The following PLXNC1 variants were observed in gnomAD, a reference collection of about 807,000 sequenced individuals.
PLXNC1 encodes plexin C1, also known as plexin-C1.
In PLXNC1, 75 loss-of-function variants were observed where a neutral mutation model predicts 178.2. The observed-to-expected ratio is 0.42, with a 90% confidence interval of 0.35 to 0.51. The LOEUF (loss-of-function observed/expected upper bound fraction) is 0.51, where lower values mean the gene tolerates loss of function less well. PLXNC1 is among the 20% of genes least tolerant of loss of function. The pLI is 0.02. For missense variants in PLXNC1, 1,503 were observed against 1,984.4 expected (o/e 0.76, Z 4.61); for synonymous variants, 790 against 779.9 (o/e 1.01, Z -0.22).
At chr12:94,203,479 G>A (rs1565808079) in intron 4 of PLXNC1, among the ~76,000 whole-genome samples, 1 of 152,172 alleles carries the variant, frequency 6.6e-6, no homozygotes, top group African/African-American at 2.4e-5. Context: ...AAAATGCTGA[G>A]AAATTGAGTA....
In PLXNC1 at chr12:94,288,023, C is replaced by G. The variant is rs117657462; in HGVS notation, c.3879+5622C>G. ...CTTGAAAGCAGGCGAAATAACCACTCTAGAGACTGTGGCTCTGCGCAGGGC... is the reference window on the plus strand; with the variant it reads ...CTTGAAAGCAGGCGAAATAACCACTGTAGAGACTGTGGCTCTGCGCAGGGC... On this transcript the variant is annotated intron_variant, in intron 23 of 30. Transcript: ENST00000258526. Among the ~76,000 whole-genome samples the G allele has an allele frequency of 7.9e-4, 120 of 152,322 alleles. 1 individual carries two copies. The East Asian group carries it at 0.022, about 28-fold the overall frequency.
At chr12:94,184,874 G>T (rs978692484) in intron 3 of PLXNC1, among the ~76,000 whole-genome samples, 10 of 152,212 alleles carry the variant, frequency 6.6e-5, no homozygotes, top group African/African-American at 2.4e-4. Context: ...ATACTGTGAG[G>T]CTCAGCATAG....
chr12:94,224,076 A>G, intron 6 of PLXNC1, 152 bp from the exon 7 acceptor site: 1 of 644,136 alleles, frequency 1.6e-6, no homozygotes, highest in Admixed American at 2.3e-5. Context: ...TGGGGAAGGA[A>G]CCACATACTG....
intron 9 of PLXNC1, among the ~76,000 whole-genome samples, chr12:94,231,232 C>T (rs977910863): frequency 6.6e-6 from 1 of 151,982 alleles, no homozygotes; most frequent in South Asian, 2.1e-4. Context: ...CCTTTGAGGA[C>T]GAGAAGCATC....
intron 11 of PLXNC1, among the ~76,000 whole-genome samples, chr12:94,241,731 A>T (rs1300809536): frequency 6.6e-6 from 1 of 152,204 alleles, no homozygotes; most frequent in African/African-American, 2.4e-5. Context: ...TCCATTGTGT[A>T]TAGGTACCAC....
At chr12:94,178,835 G>T (rs552086754) in intron 2 of PLXNC1, among the ~76,000 whole-genome samples, 1 of 152,142 alleles carries the variant, frequency 6.6e-6, no homozygotes, top group Admixed American at 6.5e-5. Flanking sequence ...CTATAAAGTC[G>T]TTTTAAAATG....
intron 4 of PLXNC1, among the ~76,000 whole-genome samples, chr12:94,187,192 G>GAGAGAGAGAGAA (rs5800150): frequency 6.7e-6 from 1 of 148,586 alleles, no homozygotes. Context: ...GAGAGAGAGA[G>GAGAGAGAGAGAA]AAAAAAAAAC....
intron 11 of PLXNC1, among the ~76,000 whole-genome samples, chr12:94,241,991 AAG>A (rs1964401941): frequency 2.8e-5 from 3 of 106,036 alleles, no homozygotes; most frequent in African/African-American, 1.2e-4. Context: ...AAAAAAAAAG[AAG>A]AAGAAGAAGA....
intron 2 of PLXNC1, among the ~76,000 whole-genome samples, chr12:94,178,126 G>A (rs967867946): frequency 1.3e-5 from 2 of 152,140 alleles, no homozygotes; most frequent in Admixed American, 6.5e-5. Context: ...CTATTATCTA[G>A]AGCAGTCTCC....
chr12:94,204,892 G>C (rs1963253192), intron 4 of PLXNC1, among the ~76,000 whole-genome samples: 1 of 152,176 alleles, frequency 6.6e-6, no homozygotes. Flanking sequence ...TATTATATCA[G>C]TGTAGAATCT....
rs1336723207 is a variant in PLXNC1, at chr12:94,251,512, A to G, written c.2865A>G (p.Leu955=). 6 of 1,606,596 alleles carry G rather than the reference A, an allele frequency of 3.7e-6. No homozygotes were observed. The highest frequency in any genetic ancestry group is 4.3e-6 in the Non-Finnish European group (5 of 1,173,108). The change falls in exon 15 of 31, where the codon CTA becomes CTG. Residue 955 remains leucine (L), a synonymous_variant. Coordinates refer to ENST00000258526, the MANE Select transcript of PLXNC1 (RefSeq NM_005761.3). ...WYFLIVLPVL[L]VIVIFAAVGV... ...TTCTGATTGTGCTCCCTGTCTTGCT[A>G]GTGATTGTCATTTTTGGTAAGTGCC...
intron 1 of PLXNC1, among the ~76,000 whole-genome samples, chr12:94,164,545 C>A (rs1961518270): frequency 6.6e-6 from 1 of 152,182 alleles, no homozygotes; most frequent in Non-Finnish European, 1.5e-5. Context: ...GCATGACTGG[C>A]ACCCCCTGCA....
Position 94,163,784 on chromosome 12 carries a change from T to A in PLXNC1, c.1063-5369T>A, listed in dbSNP as rs553920395. On this transcript the variant is annotated intron_variant, in intron 1 of 30. Transcript: ENST00000258526. ...TGAGTCCCCAGTGTAAATTCTTCCT[T>A]CAGACGATCAGAGAGCTGCCATAAC... Among the ~76,000 whole-genome samples, 3 of 152,216 alleles carry A rather than the reference T, an allele frequency of 2.0e-5. No individual in the cohort carries two copies. In the South Asian group the frequency reaches 6.2e-4, roughly 32 times the overall value.
At chr12:94,151,834 A>G (rs573716903) in intron 1 of PLXNC1, among the ~76,000 whole-genome samples, 16 of 152,288 alleles carry the variant, frequency 1.1e-4, no homozygotes, top group African/African-American at 2.6e-4. Context: ...CAGCATCTTG[A>G]ATGCACTCAA....
At position 94,275,608 on chromosome 12, in the gene PLXNC1, C is replaced by T. The variant is rs545747986; in HGVS notation, c.3598-3864C>T. The stretch of plus-strand genomic sequence containing the variant: ...GTGGCTCACGCCTGTAATCCCAGCA[C>T]TTTGGGAGGCCGAGGCGGGCGGATC... On this transcript the variant is annotated intron_variant, in intron 21 of 30. Coordinates refer to ENST00000258526, the MANE Select transcript of PLXNC1 (RefSeq NM_005761.3). 2.3e-5 allele frequency among the ~76,000 whole-genome samples: 2 copies of T among 86,160 alleles called. 1 individual carries two copies. Among genetic ancestry groups the T allele is most frequent in the Admixed American group, 2.6e-4 (2 of 7,632 alleles). 56.5% of individuals were successfully genotyped at this position (86,160 alleles called of 152,430 possible).
Position 94,279,593 on chromosome 12 carries a change from C to A in PLXNC1, c.3719C>A (p.Ala1240Glu), listed in dbSNP as rs1405340029. Residue 1240 changes from alanine (A) to glutamate (E), a missense_variant, in exon 22 of 31, where the codon GCA becomes GAA. Physicochemically the swap from Ala to Glu is moderately radical, Grantham distance 107 (BLOSUM62 -1). Transcript: ENST00000258526. The part of the protein sequence containing the change: ...IGQAKEKIFQ[A>E]FLSKNGSPYG... Reference sequence around the variant, plus strand: ...CAAGCCAAAGAAAAGATTTTCCAAGCATTCTTAAGCAAAAATGGCTCTCCT... The same window carrying A: ...CAAGCCAAAGAAAAGATTTTCCAAGAATTCTTAAGCAAAAATGGCTCTCCT... The A allele has an allele frequency of 6.2e-7, 1 of 1,614,116 alleles. No homozygotes were observed. The highest frequency in any genetic ancestry group is 8.5e-7 in the Non-Finnish European group (1 of 1,180,034).
rs761286282 is a variant in PLXNC1 at position 94,186,480 on chromosome 12, C to T, written c.1439+7C>T. The T allele has an allele frequency of 1.3e-6, 2 of 1,589,650 alleles. No individual in the cohort carries two copies. The highest frequency in any genetic ancestry group is 1.7e-4 in the Middle Eastern group (1 of 6,012). On this transcript the variant is annotated splice_region_variant and intron_variant, in intron 4 of 30. Transcript: ENST00000258526. The stretch of plus-strand genomic sequence containing the variant: ...GGTGCCATTCGCTACAAAGGTATCT[C>T]CTGAATTCTTTCTCACCAACTCGCA...
intron 27 of PLXNC1, 120 bp downstream of exon 27, chr12:94,298,915 G>T: frequency 2.1e-6 from 2 of 950,000 alleles, no homozygotes; most frequent in Non-Finnish European, 1.5e-6. Context: ...CTTTGGGCTT[G>T]GTAAGCTATC....
intron 21 of PLXNC1, among the ~76,000 whole-genome samples, chr12:94,268,570 G>T (rs1965380459): frequency 6.9e-6 from 1 of 144,172 alleles, no homozygotes; most frequent in African/African-American, 2.6e-5. Flanking sequence ...AGATCAGACA[G>T]CTGGAAGAGA....
Sources: allele counts gnomAD v4.1 joint callset (sites outside exome capture counted in the v4.1 genomes callset), GRCh38; gene constraint gnomAD v4.1.1; transcripts MANE v1.5; gene names NCBI Gene and HGNC (gene_info 2026-07-23, HGNC 2026-07-21).